PPP3CB: variants seen among roughly 807,000 people sequenced by gnomAD.
PPP3CB encodes the protein protein phosphatase 3 catalytic subunit beta.
A neutral mutation model predicts 66.4 loss-of-function variants in PPP3CB; 8 were observed. That is an observed-to-expected ratio of 0.12 (90% confidence interval 0.07 to 0.22). PPP3CB has a LOEUF of 0.22. Ranked by LOEUF, PPP3CB falls within the 10% of genes least tolerant of loss-of-function variation. The pLI is 1.00. For synonymous variants in PPP3CB, 208 were observed against 221.2 expected (o/e 0.94, Z 0.53); for missense variants, 319 against 642.5 (o/e 0.50, Z 5.44).
intron 10 of PPP3CB, among the ~76,000 whole-genome samples, chr10:73,453,604 T>G (rs905655409): frequency 6.6e-6 from 1 of 152,142 alleles, no homozygotes; most frequent in Non-Finnish European, 1.5e-5. Context: ...TACGTAGCTA[T>G]TAAATCTTAC....
intron 12 of PPP3CB, chr10:73,444,507 A>G (rs2056213895): frequency 7.0e-7 from 1 of 1,422,222 alleles, no homozygotes; most frequent in Non-Finnish European, 9.5e-7. Flanking sequence ...GGAACTGACC[A>G]TTATTTTCAA....
chr10:73,450,327 AG>A (rs1305588614), intron 10 of PPP3CB, among the ~76,000 whole-genome samples: 1 of 152,214 alleles, frequency 6.6e-6, no homozygotes, highest in Non-Finnish European at 1.5e-5. Flanking sequence ...TTACAGTGAA[AG>A]GAAAGGAGAA....
intron 10 of PPP3CB, among the ~76,000 whole-genome samples, chr10:73,450,105 C>G (rs1416283267): frequency 6.6e-6 from 1 of 152,136 alleles, no homozygotes; most frequent in Non-Finnish European, 1.5e-5. Flanking sequence ...GCCATCTTAG[C>G]TTTAAATATA....
At chr10:73,476,167 T>C (rs61865836) in intron 3 of PPP3CB, among the ~76,000 whole-genome samples, 5,747 of 152,288 alleles carry the variant, frequency 0.038, 168 homozygotes, top group Non-Finnish European at 0.058. Context: ...CAAAACTTTA[T>C]TGTTAATAAA....
intron 9 of PPP3CB, among the ~76,000 whole-genome samples, chr10:73,459,786 C>T (rs1279671296): frequency 2.0e-5 from 3 of 152,046 alleles, no homozygotes; most frequent in South Asian, 2.1e-4. Flanking sequence ...TGGTGGTTAC[C>T]TAGGGTTAGC....
chr10:73,492,551 G>A (rs1039250593), intron 1 of PPP3CB, among the ~76,000 whole-genome samples: 6 of 152,210 alleles, frequency 3.9e-5, no homozygotes, highest in South Asian at 2.1e-4. Context: ...TGCAGATACG[G>A]TTAGATATTT....
intron 1 of PPP3CB, chr10:73,495,479 G>T (rs924466643): frequency 2.8e-5 from 5 of 180,998 alleles, no homozygotes; most frequent in Admixed American, 1.3e-4. Flanking sequence ...TCGCGGGGCA[G>T]GAAGCTAATC....
chr10:73,470,666 T>G, intron 8 of PPP3CB, 21 bp downstream of exon 8: 1 of 1,428,418 alleles, frequency 7.0e-7, no homozygotes, highest in Non-Finnish European at 9.5e-7. Context: ...TTAACAATTT[T>G]TTTTATCAAC....
At chr10:73,440,249 A>T (rs1413970273) in intron 12 of PPP3CB, among the ~76,000 whole-genome samples, 1 of 152,222 alleles carries the variant, frequency 6.6e-6, no homozygotes, top group Non-Finnish European at 1.5e-5. Context: ...TATGTTTATT[A>T]TATCACATCC....
At chr10:73,457,470 G>A in intron 9 of PPP3CB, among the ~76,000 whole-genome samples, 1 of 151,688 alleles carries the variant, frequency 6.6e-6, no homozygotes, top group Non-Finnish European at 1.5e-5. Flanking sequence ...GCTAGGCCGG[G>A]GGTCATGCCT....
Position 73,470,765 on chromosome 10 carries a change from T to C in PPP3CB, c.904A>G (p.Lys302Glu). 1 of 1,604,290 alleles carries C rather than the reference T, an allele frequency of 6.2e-7. No individual in the cohort carries two copies. The highest frequency in any genetic ancestry group is 1.1e-5 in the South Asian group (1 of 89,130). The change falls in exon 8 of 14, where the codon AAA becomes GAA. Residue 302 changes from lysine to glutamate, a missense_variant. By Grantham distance (56) the Lys-to-Glu change is moderately conservative. This residue lies in a region of PPP3CB where 120 missense variants were observed against 331.2 expected (regional missense o/e 0.36). Coordinates refer to ENST00000360663, the MANE Select transcript of PPP3CB (RefSeq NM_021132.4). Reference sequence around the variant, plus strand: ...GAAGGGAACCCTGTAGTTTGACTTTTTCTGTACATTCTATAGCTGCAAAAC... The same window carrying C: ...GAAGGGAACCCTGTAGTTTGACTTTCTCTGTACATTCTATAGCTGCAAAAC... ...AQDAGYRMYRKSQTTGFPSLI... is the reference protein window; with the variant it reads ...AQDAGYRMYRESQTTGFPSLI...
chr10:73,473,230 TCTC>T (rs1390467776), intron 4 of PPP3CB, among the ~76,000 whole-genome samples: 1 of 152,216 alleles, frequency 6.6e-6, no homozygotes, highest in Non-Finnish European at 1.5e-5. Flanking sequence ...ACTGTATTTT[TCTC>T]CTGTTGCTGC....
At chr10:73,469,523 C>G (rs1243416422) in intron 8 of PPP3CB, among the ~76,000 whole-genome samples, 1 of 152,130 alleles carries the variant, frequency 6.6e-6, no homozygotes, top group East Asian at 1.9e-4. Context: ...GCCTGGGCAA[C>G]AGAGCGAGAC....
chr10:73,495,613 G>A (rs962310914), intron 1 of PPP3CB, 192 bp downstream of exon 1: 2 of 779,166 alleles, frequency 2.6e-6, no homozygotes, highest in Non-Finnish European at 3.5e-6. Flanking sequence ...GAAAGCAACC[G>A]GGAGACCGCG....
chr10:73,476,336 T>A (rs531850165), intron 3 of PPP3CB, among the ~76,000 whole-genome samples: 1 of 152,070 alleles, frequency 6.6e-6, no homozygotes, highest in Non-Finnish European at 1.5e-5. Context: ...GTCAGCTACA[T>A]CCAGGCGCAG....
intron 3 of PPP3CB, among the ~76,000 whole-genome samples, chr10:73,476,951 C>T (rs889721369): frequency 1.3e-5 from 2 of 152,170 alleles, no homozygotes; most frequent in African/African-American, 4.8e-5. Context: ...ATATTGGAAA[C>T]ACTGGAGAAG....
intron 1 of PPP3CB, among the ~76,000 whole-genome samples, chr10:73,482,951 T>G (rs2056906785): frequency 6.6e-6 from 1 of 152,082 alleles, no homozygotes. Flanking sequence ...ACCAACAACA[T>G]AATTCCACTA....
intron 10 of PPP3CB, among the ~76,000 whole-genome samples, chr10:73,448,218 CAT>C (rs1472414022): frequency 6.6e-6 from 1 of 152,038 alleles, no homozygotes; most frequent in East Asian, 1.9e-4. Flanking sequence ...AACCAAATGA[CAT>C]GTAAACTATA....
At position 73,452,975 on chromosome 10, in the gene PPP3CB, C is replaced by T. The variant is rs1011922889; in HGVS notation, c.1186+1437G>A. 5.3e-5 allele frequency among the ~76,000 whole-genome samples: 8 copies of T among 151,944 alleles called. No individual in the cohort carries two copies. In the East Asian group the frequency reaches 1.2e-3, roughly 22 times the overall value. ...AAATAGGCTTCATTCAGATTTTACTCGAAAAGTGATCAAATGAAATGGATA... is the reference window on the plus strand; with the variant it reads ...AAATAGGCTTCATTCAGATTTTACTTGAAAAGTGATCAAATGAAATGGATA... On this transcript the variant is annotated intron_variant, in intron 10 of 13. Transcript: ENST00000360663.
Sources: allele counts gnomAD v4.1 joint callset (sites outside exome capture counted in the v4.1 genomes callset), GRCh38; gene constraint gnomAD v4.1.1; regional missense constraint gnomAD v4.1.1; transcripts MANE v1.5; gene names NCBI Gene and HGNC (gene_info 2026-07-23, HGNC 2026-07-21).